GALNTL6: variants seen among roughly 807,000 people sequenced by gnomAD.
The protein encoded by GALNTL6 is polypeptide N-acetylgalactosaminyltransferase-like 6.
A neutral mutation model predicts 73.7 loss-of-function variants in GALNTL6; 46 were observed. That is an observed-to-expected ratio of 0.62 (90% CI 0.49 to 0.80). The LOEUF is 0.80. Among genes scored for constraint, GALNTL6 ranks in the 30% least tolerant of loss-of-function variants. GALNTL6 has a pLI of 0.00. For missense variants in GALNTL6, 604 were observed against 755.0 expected, an observed-to-expected ratio of 0.80 and a Z score of 2.34; for synonymous variants, 259 against 263.7, an observed-to-expected ratio of 0.98 and a Z score of 0.17.
chr4:172,432,549 T>C (rs1731493095), intron 5 of GALNTL6, among the ~76,000 whole-genome samples: 1 of 152,020 alleles, frequency 6.6e-6, no homozygotes, highest in Non-Finnish European at 1.5e-5. Flanking sequence ...CCAAATTAAG[T>C]CCCAAGGATT....
chr4:172,820,171 T>C (rs1741843323), intron 7 of GALNTL6, among the ~76,000 whole-genome samples: 3 of 152,200 alleles, frequency 2.0e-5, no homozygotes, highest in African/African-American at 7.2e-5. Flanking sequence ...GGTTGACTAA[T>C]GTGGAGGAAG....
In GALNTL6 at chr4:172,271,475, G is replaced by A. The variant is rs762093203; in HGVS notation, c.248-40139G>A. Among the ~76,000 whole-genome samples, 9 of 151,810 alleles carry A rather than the reference G, an allele frequency of 5.9e-5. 1 individual carries two copies. The South Asian group carries it at 6.2e-4, about 10-fold the overall frequency. On this transcript the variant is annotated intron_variant, in intron 3 of 12. Transcript: ENST00000506823. ...TATATATAGTTTGATCTTTGCCTACGTGCATACTTATATATACAAACATAC... is the reference window on the plus strand; with the variant it reads ...TATATATAGTTTGATCTTTGCCTACATGCATACTTATATATACAAACATAC...
At chr4:172,820,050 TC>T (rs35769119) in intron 7 of GALNTL6, among the ~76,000 whole-genome samples, 24,813 of 152,154 alleles carry the variant, frequency 0.16, 2,086 homozygotes, top group Middle Eastern at 0.26. Context: ...ACAAAATCAC[TC>T]CAGGTCTGCC....
Position 172,809,518 on chromosome 4 carries a change from C to A in GALNTL6, c.711C>A (p.Val237=). ...CATTCCTGGACTCCCACTGCGAGGTCAATGTGAACTGGCTGCCCCCACTCC... is the reference window on the plus strand; with the variant it reads ...CATTCCTGGACTCCCACTGCGAGGTAAATGTGAACTGGCTGCCCCCACTCC... ...VLTFLDSHCE[V]NVNWLPPLLN... The change falls in exon 6 of 13, where the codon GTC becomes GTA. Residue 237 remains valine, a synonymous_variant. Transcript: ENST00000506823. This position sits in a 1 kb window ranked among gnomAD's most constrained non-coding sequence, Gnocchi z 4.4. 1.9e-6 allele frequency: 3 copies of A among 1,613,238 alleles called. No individual in the cohort carries two copies. The highest frequency in any genetic ancestry group is 2.5e-6 in the Non-Finnish European group (3 of 1,179,582).
At chr4:172,645,510 A>G (rs2111134720) in intron 5 of GALNTL6, among the ~76,000 whole-genome samples, 1 of 151,976 alleles carries the variant, frequency 6.6e-6, no homozygotes, top group African/African-American at 2.4e-5. Flanking sequence ...TATGTGTGGG[A>G]ATACTTTTGG....
At chr4:171,923,705 A>T (rs1578976153) in intron 2 of GALNTL6, among the ~76,000 whole-genome samples, 1 of 150,160 alleles carries the variant, frequency 6.7e-6, no homozygotes, top group East Asian at 2.0e-4. Context: ...GACATTTTTT[A>T]AAAAGGCTTA....
intron 8 of GALNTL6, among the ~76,000 whole-genome samples, chr4:172,928,216 A>C (rs564580559): frequency 4.5e-4 from 69 of 152,334 alleles, no homozygotes; most frequent in African/African-American, 1.5e-3. Flanking sequence ...CTGGCCCTTT[A>C]CAGAAAGAGT....
intron 9 of GALNTL6, among the ~76,000 whole-genome samples, chr4:172,947,962 A>G (rs772935785): frequency 2.0e-5 from 3 of 152,216 alleles, no homozygotes; most frequent in Non-Finnish European, 4.4e-5. Flanking sequence ...CTGTGGTACC[A>G]ATGTTTTCCC....
At chr4:172,218,509 C>G (rs913393250) in intron 2 of GALNTL6, among the ~76,000 whole-genome samples, 1 of 151,938 alleles carries the variant, frequency 6.6e-6, no homozygotes, top group Non-Finnish European at 1.5e-5. Flanking sequence ...GTGTTTTTAC[C>G]TGTTTATGGG....
intron 5 of GALNTL6, among the ~76,000 whole-genome samples, chr4:172,705,758 GAC>G: frequency 6.6e-6 from 1 of 152,100 alleles, no homozygotes; most frequent in East Asian, 1.9e-4. Flanking sequence ...ATTCTTGGTT[GAC>G]AGTTTTTTTT....
At chr4:172,634,312 G>GT (rs1218259826) in intron 5 of GALNTL6, among the ~76,000 whole-genome samples, 1 of 152,280 alleles carries the variant, frequency 6.6e-6, no homozygotes, top group African/African-American at 2.4e-5. Flanking sequence ...TCAAAGACAT[G>GT]TTTTTTATGG....
At chr4:172,624,389 A>G (rs1304972320) in intron 5 of GALNTL6, among the ~76,000 whole-genome samples, 1 of 151,364 alleles carries the variant, frequency 6.6e-6, no homozygotes, top group East Asian at 1.9e-4. Flanking sequence ...TATTGGATAG[A>G]TCCATCTTTC....
intron 5 of GALNTL6, among the ~76,000 whole-genome samples, chr4:172,501,412 A>T (rs1360659959): frequency 6.6e-6 from 1 of 152,186 alleles, no homozygotes; most frequent in East Asian, 1.9e-4. Context: ...CTTATTGTGG[A>T]TATGTAAAAT....
intron 2 of GALNTL6, among the ~76,000 whole-genome samples, chr4:171,816,660 T>C (rs571098372): frequency 3.9e-4 from 60 of 152,002 alleles, no homozygotes; most frequent in Non-Finnish European, 8.0e-4. Context: ...ACCTAAATAA[T>C]GGTTTTAAAA....
At chr4:173,038,143 C>A (rs896715107) in intron 12 of GALNTL6, among the ~76,000 whole-genome samples, 2 of 152,206 alleles carry the variant, frequency 1.3e-5, no homozygotes, top group Non-Finnish European at 2.9e-5. Flanking sequence ...TAGAATGTAG[C>A]AGGTCACCTA....
chr4:172,000,919 A>G (rs1301274825), intron 2 of GALNTL6, among the ~76,000 whole-genome samples: 2 of 152,152 alleles, frequency 1.3e-5, no homozygotes, highest in African/African-American at 4.8e-5. Flanking sequence ...ACAGCCAAGA[A>G]CTATCCACAA....
intron 5 of GALNTL6, among the ~76,000 whole-genome samples, chr4:172,622,704 C>A (rs1181089127): frequency 1.3e-5 from 2 of 152,064 alleles, no homozygotes; most frequent in Non-Finnish European, 1.5e-5. Flanking sequence ...AGAAAACAGT[C>A]CAAAGGAATC....
At chr4:172,150,106 A>C (rs1472279995) in intron 2 of GALNTL6, among the ~76,000 whole-genome samples, 1 of 152,130 alleles carries the variant, frequency 6.6e-6, no homozygotes, top group Non-Finnish European at 1.5e-5. Context: ...CCCACTAAGC[A>C]TCTCCTCATT....
chr4:172,115,496 T>C (rs982129224), intron 2 of GALNTL6, among the ~76,000 whole-genome samples: 2 of 152,162 alleles, frequency 1.3e-5, no homozygotes, highest in Non-Finnish European at 2.9e-5. Context: ...CAAACTTTTT[T>C]AGTGCAATAT....
Sources: gnomAD v4.1 joint callset for allele counts (sites outside exome capture counted in the v4.1 genomes callset) on GRCh38, gnomAD v4.1.1 for gene constraint, Gnocchi (gnomAD v3.1) non-coding constraint, MANE v1.5 for transcripts, NCBI Gene and HGNC (gene_info 2026-07-23, HGNC 2026-07-21) for gene names.